SLC35F4: variants seen among roughly 807,000 people sequenced by gnomAD.
The protein encoded by SLC35F4 is solute carrier family 35 member F4, also known as chromosome 14 open reading frame 36.
In SLC35F4, 24 loss-of-function variants were observed where a neutral mutation model predicts 44.2. The ratio of observed to expected loss-of-function variants is 0.54; its 90% CI spans 0.39 to 0.76. The LOEUF (loss-of-function observed/expected upper bound fraction) is 0.76, where lower values mean the gene tolerates loss of function less well. Among genes scored for constraint, SLC35F4 ranks in the 30% least tolerant of loss-of-function variants. The pLI, the probability that SLC35F4 is intolerant of heterozygous loss-of-function variation, is 0.00. For synonymous variants in SLC35F4, 238 were observed against 223.6 expected (o/e 1.06, Z -0.57); for missense variants, 562 against 586.1 (o/e 0.96, Z 0.42).
rs2347372 is a variant in SLC35F4, at chr14:57,855,604, G to C, written c.103+10119C>G. On this transcript the variant is annotated intron_variant, in intron 1 of 7. Coordinates refer to ENST00000556826, the MANE Select transcript of SLC35F4 (RefSeq NM_001306087.2). ...ACACTGTTAGTGGGAGTGTAAATTA[G>C]TTCAACCATTGTGGAAGACAGTGTG... Among the ~76,000 whole-genome samples the C allele has an allele frequency of 0.023, 3,484 of 152,284 alleles. 435 individuals carry two copies. The East Asian group carries it at 0.39, about 17-fold the overall frequency.
At chr14:57,860,998 G>C (rs1425852194) in intron 1 of SLC35F4, among the ~76,000 whole-genome samples, 1 of 152,042 alleles carries the variant, frequency 6.6e-6, no homozygotes, top group Non-Finnish European at 1.5e-5. Flanking sequence ...ATCTCTACTT[G>C]TTCTATGCCT....
intron 1 of SLC35F4, among the ~76,000 whole-genome samples, chr14:57,739,292 C>T (rs1217359528): frequency 6.6e-6 from 1 of 152,176 alleles, no homozygotes; most frequent in Non-Finnish European, 1.5e-5. Flanking sequence ...CACCTCACTC[C>T]AGGACTCAGG....
intron 1 of SLC35F4, among the ~76,000 whole-genome samples, chr14:57,801,542 C>T (rs991721286): frequency 6.6e-6 from 1 of 152,070 alleles, no homozygotes; most frequent in Admixed American, 6.5e-5. Context: ...GGCTAAATGT[C>T]CCCTTTAAAA....
In SLC35F4 at chr14:57,892,421, A is replaced by T. The variant is rs189016194; in HGVS notation, n.282+89492T>A. On this transcript the variant is annotated intron_variant and non_coding_transcript_variant, in intron 1 of 1. Transcript: ENST00000556568. ...GTGACAATCTGACTGTTCAACTGGA[A>T]TCAGCCTGCTGAGGGTGTAGCTACC... 2.2e-3 allele frequency among the ~76,000 whole-genome samples: 342 copies of T among 152,316 alleles called. 2 individuals are homozygous for T. The highest frequency in any genetic ancestry group is 6.8e-3 in the Middle Eastern group (2 of 294).
In SLC35F4 at chr14:57,827,549, C is replaced by T. The variant is rs377561246; in HGVS notation, c.103+38174G>A. Among the ~76,000 whole-genome samples the T allele has an allele frequency of 2.0e-5, 3 of 152,096 alleles. No individual in the cohort carries two copies. In the East Asian group the frequency reaches 5.8e-4, roughly 29 times the overall value. On this transcript the variant is annotated intron_variant, in intron 1 of 7. Coordinates refer to ENST00000556826, the MANE Select transcript of SLC35F4 (RefSeq NM_001306087.2). ...TTTTTTAAAAAAAGGACTAATTTTT[C>T]TCTGAAGGAATTTATTTTCTATTCT...
chr14:57,586,742 A>G (rs2069761599), intron 3 of SLC35F4, among the ~76,000 whole-genome samples: 1 of 146,462 alleles, frequency 6.8e-6, no homozygotes, highest in Non-Finnish European at 1.5e-5. Context: ...AAAAAAAAAA[A>G]AAAAAGACTT....
At chr14:57,659,818 T>C (rs1015527443) in intron 1 of SLC35F4, among the ~76,000 whole-genome samples, 1 of 152,162 alleles carries the variant, frequency 6.6e-6, no homozygotes, top group African/African-American at 2.4e-5. Context: ...CTCCTCAAAA[T>C]AACAGTAAAA....
intron 1 of SLC35F4, among the ~76,000 whole-genome samples, chr14:57,826,221 C>A (rs912866127): frequency 2.0e-5 from 3 of 152,100 alleles, no homozygotes; most frequent in Non-Finnish European, 4.4e-5. Flanking sequence ...ACACCTACAA[C>A]CATCTGATCT....
rs58875548 is a variant in SLC35F4, at chr14:57,954,990, A to T, written n.282+26923T>A. 0.019 allele frequency among the ~76,000 whole-genome samples: 2,897 copies of T among 151,868 alleles called. 272 individuals carry two copies. In the East Asian group the frequency reaches 0.33, roughly 17 times the overall value. Reference sequence around the variant, plus strand: ...AAAAACCTGGCAAAGACACAGCAAAAAAAGAAAATTTCAGGCCAATATCCC... The same window carrying T: ...AAAAACCTGGCAAAGACACAGCAAATAAAGAAAATTTCAGGCCAATATCCC... On this transcript the variant is annotated intron_variant and non_coding_transcript_variant, in intron 1 of 1. Transcript: ENST00000556568.
intron 1 of SLC35F4, among the ~76,000 whole-genome samples, chr14:57,946,224 T>C (rs993207670): frequency 4.5e-4 from 69 of 152,230 alleles, no homozygotes; most frequent in African/African-American, 1.5e-3. Flanking sequence ...AAGAGTTTTT[T>C]CCAATGTTAT....
intron 1 of SLC35F4, among the ~76,000 whole-genome samples, chr14:57,925,908 A>C (rs926190450): frequency 1.3e-5 from 2 of 152,160 alleles, no homozygotes; most frequent in African/African-American, 4.8e-5. Flanking sequence ...CTTCCTGGGC[A>C]TTTACTTAGC....
intron 1 of SLC35F4, among the ~76,000 whole-genome samples, chr14:57,615,970 T>A (rs1404857074): frequency 6.6e-6 from 1 of 152,226 alleles, no homozygotes; most frequent in Non-Finnish European, 1.5e-5. Flanking sequence ...GTCATGTGTC[T>A]CTTGATTTTC....
At chr14:57,568,536 T>C (rs1319296520) in intron 6 of SLC35F4, among the ~76,000 whole-genome samples, 2 of 152,168 alleles carry the variant, frequency 1.3e-5, no homozygotes, top group Non-Finnish European at 2.9e-5. Flanking sequence ...GCTAACCATA[T>C]AATTTTGGCT....
At chr14:57,772,787 T>C (rs2077399594) in intron 1 of SLC35F4, among the ~76,000 whole-genome samples, 1 of 152,228 alleles carries the variant, frequency 6.6e-6, no homozygotes, top group South Asian at 2.1e-4. Flanking sequence ...TCCATGACTT[T>C]CATATTGTGA....
At chr14:57,619,192 T>C (rs1399771027) in intron 1 of SLC35F4, among the ~76,000 whole-genome samples, 1 of 152,204 alleles carries the variant, frequency 6.6e-6, no homozygotes, top group Non-Finnish European at 1.5e-5. Flanking sequence ...TGAGCTCTGC[T>C]AAGGGTCAGA....
chr14:57,648,776 C>G (rs1022649529), intron 1 of SLC35F4, among the ~76,000 whole-genome samples: 4 of 152,200 alleles, frequency 2.6e-5, no homozygotes, highest in Non-Finnish European at 5.9e-5. Context: ...CCTGCATGAT[C>G]TGATCTTTGT....
At chr14:57,818,757 T>A (rs58018834) in intron 1 of SLC35F4, among the ~76,000 whole-genome samples, 4,333 of 152,288 alleles carry the variant, frequency 0.028, 117 homozygotes, top group African/African-American at 0.075. Flanking sequence ...AACTCTAGAA[T>A]GGGTTACAGA....
intron 1 of SLC35F4, among the ~76,000 whole-genome samples, chr14:57,786,185 G>A (rs1595059675): frequency 1.3e-5 from 2 of 152,070 alleles, no homozygotes; most frequent in South Asian, 2.1e-4. Flanking sequence ...CTCAGCAGAG[G>A]CAGCCATAAT....
At chr14:57,911,546 T>C (rs1300591622) in intron 1 of SLC35F4, among the ~76,000 whole-genome samples, 1 of 152,064 alleles carries the variant, frequency 6.6e-6, no homozygotes, top group African/African-American at 2.4e-5. Flanking sequence ...TGAGATCATG[T>C]GATGTTTTTC....
Sources: gnomAD v4.1 joint callset for allele counts (sites outside exome capture counted in the v4.1 genomes callset) on GRCh38, gnomAD v4.1.1 for gene constraint, MANE v1.5 for transcripts, NCBI Gene and HGNC (gene_info 2026-07-23, HGNC 2026-07-21) for gene names.